The following ABCB5 variants were observed in gnomAD, a reference collection of about 807,000 sequenced individuals.
ABCB5 encodes ATP binding cassette subfamily B member 5, also known as ATP-binding cassette sub-family B member 5.
A neutral mutation model predicts 144.2 loss-of-function variants in ABCB5; 155 were observed. That is an observed-to-expected ratio of 1.08 (90% CI 0.94 to 1.23). The LOEUF (loss-of-function observed/expected upper bound fraction) is 1.23. Among genes scored for constraint, ABCB5 ranks in the 50% most tolerant of loss-of-function variants. ABCB5 has a pLI of 0.00. For missense variants in ABCB5, 1,830 were observed against 1,520.8 expected, an observed-to-expected ratio of 1.20 and a Z score of -3.38; for synonymous variants, 610 against 528.6, an observed-to-expected ratio of 1.15 and a Z score of -2.11.
At chr7:20,740,284 T>G (rs1431405215) in intron 24 of ABCB5, among the ~76,000 whole-genome samples, 1 of 152,142 alleles carries the variant, frequency 6.6e-6, no homozygotes, top group East Asian at 1.9e-4. Flanking sequence ...TCTTATACAT[T>G]AAATATACAT....
chr7:20,689,434 G>T (rs1265070667), intron 16 of ABCB5, among the ~76,000 whole-genome samples: 1 of 152,180 alleles, frequency 6.6e-6, no homozygotes, highest in Non-Finnish European at 1.5e-5. Flanking sequence ...GAAACTACTG[G>T]CCACTGAGCA....
intron 1 of ABCB5, among the ~76,000 whole-genome samples, chr7:20,620,678 C>T (rs1451407018): frequency 6.6e-6 from 1 of 151,954 alleles, no homozygotes; most frequent in East Asian, 1.9e-4. Flanking sequence ...TTGCAAATCG[C>T]AACCACAATG....
rs199971982 is a variant in ABCB5 at position 20,681,647 on chromosome 7, A to G, written c.1850A>G (p.Tyr617Cys). 416 of 1,614,042 alleles carry G rather than the reference A, an allele frequency of 2.6e-4. 2 individuals carry two copies. In the East Asian group the frequency reaches 6.9e-3, roughly 27 times the overall value. The change falls in exon 15 of 28, where the codon TAT becomes TGT. Residue 617 changes from tyrosine to cysteine, a missense_variant. Coordinates refer to ENST00000404938, the MANE Select transcript of ABCB5 (RefSeq NM_001163941.2). ...AELMAKRGLY[Y>C]SLVMSQDIKK... is the part of the protein sequence containing the mutation. Reference sequence around the variant, plus strand: ...CTAATGGCAAAACGAGGTCTATATTATTCACTTGTGATGTCACAGGTAATG... The same window carrying G: ...CTAATGGCAAAACGAGGTCTATATTGTTCACTTGTGATGTCACAGGTAATG...
chr7:20,745,075 G>T (rs976397507), intron 25 of ABCB5, among the ~76,000 whole-genome samples, 157 bp from the exon 26 acceptor site: 7 of 152,178 alleles, frequency 4.6e-5, no homozygotes, highest in African/African-American at 1.7e-4. Flanking sequence ...TCTATACAAC[G>T]TATGATTTAT....
At chr7:20,660,387 T>C in intron 14 of ABCB5, 5 of 985,530 alleles carry the variant, frequency 5.1e-6, no homozygotes, top group Non-Finnish European at 6.0e-6. Context: ...TAAATCAATG[T>C]AGAAATAGGT....
chr7:20,651,372 C>A (rs1784578575), intron 12 of ABCB5, 48 bp from the exon 13 acceptor site: 1 of 1,594,174 alleles, frequency 6.3e-7, no homozygotes, highest in Non-Finnish European at 8.6e-7. Flanking sequence ...ACCCTAAAAT[C>A]AATACAGTAA....
chr7:20,656,906 C>CTTTTTTTTTTTTTTTTTTTTTTT (rs1562543053), intron 13 of ABCB5, among the ~76,000 whole-genome samples: 1 of 135,740 alleles, frequency 7.4e-6, no homozygotes. Flanking sequence ...TTTCTTTTTC[C>CTTTTTTTTTTTTTTTTTTTTTTT]TTTTTCTTTT....
intron 15 of ABCB5, among the ~76,000 whole-genome samples, chr7:20,684,116 T>C (rs1313328376): frequency 2.0e-5 from 3 of 152,218 alleles, no homozygotes; most frequent in Non-Finnish European, 1.5e-5. Flanking sequence ...TTATTGTTAG[T>C]GTAATAAATT....
At chr7:20,621,944 T>C (rs1783813739) in intron 1 of ABCB5, among the ~76,000 whole-genome samples, 1 of 152,112 alleles carries the variant, frequency 6.6e-6, no homozygotes, top group Admixed American at 6.5e-5. Context: ...AAAGAGTGTT[T>C]ATTTGGCTCA....
intron 14 of ABCB5, among the ~76,000 whole-genome samples, chr7:20,680,068 T>C (rs1276631451): frequency 6.6e-6 from 1 of 152,184 alleles, no homozygotes; most frequent in Non-Finnish European, 1.5e-5. Flanking sequence ...TAGAATACTG[T>C]GTGGCAATAA....
intron 1 of ABCB5, among the ~76,000 whole-genome samples, chr7:20,620,175 T>A (rs1783779501): frequency 6.6e-6 from 1 of 152,148 alleles, no homozygotes; most frequent in Non-Finnish European, 1.5e-5. Context: ...GGACAGTCTA[T>A]TTAACAAGTA....
At position 20,643,399 on chromosome 7, in the gene ABCB5, G is replaced by A. The variant is rs191118671; in HGVS notation, c.506+24G>A. 2,654 of 1,613,376 alleles carry A rather than the reference G, an allele frequency of 1.6e-3. 75 individuals are homozygous for A. The Admixed American group carries it at 0.042, about 25-fold the overall frequency. On this transcript the variant is annotated intron_variant, in intron 6 of 27. Coordinates refer to ENST00000404938, the MANE Select transcript of ABCB5 (RefSeq NM_001163941.2). ...GAGTAAGAGGATGATATTGTAGTAC[G>A]TTAGCTTTGTTTTCATATGTGACAT...
intron 20 of ABCB5, among the ~76,000 whole-genome samples, chr7:20,721,647 G>A (rs73085686): frequency 3.3e-5 from 5 of 151,960 alleles, no homozygotes; most frequent in African/African-American, 7.3e-5. Flanking sequence ...AGACAGCATG[G>A]GTTATTCCTT....
intron 13 of ABCB5, among the ~76,000 whole-genome samples, chr7:20,657,118 AG>A (rs1458404669): frequency 6.6e-6 from 1 of 151,860 alleles, no homozygotes; most frequent in Non-Finnish European, 1.5e-5. Context: ...CATGTTGCCC[AG>A]GCTGGTGTCA....
At chr7:20,730,452 T>C (rs1463189822) in intron 23 of ABCB5, among the ~76,000 whole-genome samples, 1 of 152,168 alleles carries the variant, frequency 6.6e-6, no homozygotes, top group Non-Finnish European at 1.5e-5. Context: ...GAGGTTGCAA[T>C]GAGCCAAGAT....
At chr7:20,700,767 C>T (rs193029686) in intron 19 of ABCB5, among the ~76,000 whole-genome samples, 3 of 152,288 alleles carry the variant, frequency 2.0e-5, no homozygotes, top group East Asian at 1.9e-4. Flanking sequence ...AAAATTCTTT[C>T]ACGAGGCTAA....
chr7:20,746,902 T>G (rs571836333), intron 26 of ABCB5, among the ~76,000 whole-genome samples: 33 of 152,214 alleles, frequency 2.2e-4, no homozygotes, highest in African/African-American at 8.0e-4. Context: ...GATAGTTAAA[T>G]TTAACAACCA....
At chr7:20,728,252 A>C (rs879159802) in intron 22 of ABCB5, 63 bp from the exon 23 acceptor site, 48 of 1,562,890 alleles carry the variant, frequency 3.1e-5, no homozygotes, top group South Asian at 2.8e-4. Flanking sequence ...ATTACTCTAC[A>C]TGTATTCAAT....
At chr7:20,705,604 C>A (rs947329869) in intron 20 of ABCB5, among the ~76,000 whole-genome samples, 8 of 152,148 alleles carry the variant, frequency 5.3e-5, no homozygotes, top group Admixed American at 2.6e-4. Flanking sequence ...CCTTATCATG[C>A]ATTTGGGAGA....
Sources: allele counts gnomAD v4.1 joint callset (sites outside exome capture counted in the v4.1 genomes callset), GRCh38; gene constraint gnomAD v4.1.1; transcripts MANE v1.5; gene names NCBI Gene and HGNC (gene_info 2026-07-23, HGNC 2026-07-21).